Variants in PARL observed in about 807,000 individuals in gnomAD.
PARL encodes presenilin associated rhomboid like.
Under a neutral mutation model 51.6 loss-of-function variants are expected in PARL, and 44 were observed. The ratio of observed to expected loss-of-function variants is 0.85; its 90% CI spans 0.67 to 1.10. The LOEUF (loss-of-function observed/expected upper bound fraction) is 1.10. Among genes scored for constraint, PARL ranks in the 50% least tolerant of loss-of-function variants. The probability of loss-of-function intolerance (pLI) is 0.00; values close to 1 mark genes in which losing one functional copy is unlikely to be tolerated. For missense variants in PARL, 441 were observed against 469.5 expected, an observed-to-expected ratio of 0.94 and a Z score of 0.56; for synonymous variants, 172 against 164.0, an observed-to-expected ratio of 1.05 and a Z score of -0.37.
At chr3:183,866,452 A>T (rs1386634442) in intron 3 of PARL, among the ~76,000 whole-genome samples, 173 bp downstream of exon 3, 3 of 152,346 alleles carry the variant, frequency 2.0e-5, no homozygotes, top group Middle Eastern at 3.4e-3. Flanking sequence ...GAACAATTCA[A>T]ATATACCTAG....
At chr3:183,866,532 G>T in intron 3 of PARL, 93 bp downstream of exon 3, 1 of 934,710 alleles carries the variant, frequency 1.1e-6, no homozygotes, top group South Asian at 1.3e-5. Flanking sequence ...TTATGTGAAT[G>T]CATCATGTAC....
At chr3:183,864,766 C>T (rs1435655230) in intron 3 of PARL, among the ~76,000 whole-genome samples, 1 of 149,788 alleles carries the variant, frequency 6.7e-6, no homozygotes, top group African/African-American at 2.5e-5. Context: ...ACAAGTGAGA[C>T]TCTGTCTCAA....
chr3:183,843,450 G>T (rs1729573526), intron 5 of PARL: 1 of 174,758 alleles, frequency 5.7e-6, no homozygotes, highest in South Asian at 1.9e-4. Context: ...GAGAAGCAGA[G>T]GTTGCAGTGA....
At chr3:183,849,203 G>A (rs989517590) in intron 4 of PARL, among the ~76,000 whole-genome samples, 1 of 152,126 alleles carries the variant, frequency 6.6e-6, no homozygotes, top group Non-Finnish European at 1.5e-5. Flanking sequence ...GACATCTATA[G>A]AACACACCAC....
At chr3:183,882,447 T>C (rs929892227) in intron 1 of PARL, among the ~76,000 whole-genome samples, 34 of 148,390 alleles carry the variant, frequency 2.3e-4, no homozygotes, top group Non-Finnish European at 4.0e-4. Flanking sequence ...AGAGAGAGAC[T>C]ATCATCTCAA....
At chr3:183,842,807 CA>C (rs370931513) in intron 5 of PARL, among the ~76,000 whole-genome samples, 976 of 54,020 alleles carry the variant, frequency 0.018, 7 homozygotes, top group African/African-American at 0.064. Flanking sequence ...GACTCTATCT[CA>C]AAAAAAAAAA....
chr3:183,872,246 C>A (rs1450743766), intron 1 of PARL, among the ~76,000 whole-genome samples: 2 of 152,154 alleles, frequency 1.3e-5, no homozygotes, highest in African/African-American at 4.8e-5. Flanking sequence ...AGATGATCCA[C>A]CCGCCTCGGC....
At chr3:183,847,907 G>A (rs1730139831) in intron 4 of PARL, among the ~76,000 whole-genome samples, 1 of 152,160 alleles carries the variant, frequency 6.6e-6, no homozygotes, top group Non-Finnish European at 1.5e-5. Flanking sequence ...CTTAAGTTTT[G>A]TATATCTCCA....
At position 183,884,878 on chromosome 3, in the gene PARL, C is replaced by G. The variant is rs1734974533; in HGVS notation, c.-32G>C. The G allele has an allele frequency of 6.3e-7, 1 of 1,595,716 alleles. No homozygotes were observed. Among genetic ancestry groups the G allele is most frequent in the Non-Finnish European group, 8.5e-7 (1 of 1,179,124 alleles). Reference sequence around the variant, plus strand: ...AACCTCTGCCCCACCATGGCCCGACCTTACCAACCCCAGCTGCGCAACTAC... The same window carrying G: ...AACCTCTGCCCCACCATGGCCCGACGTTACCAACCCCAGCTGCGCAACTAC... On this transcript the variant is annotated 5_prime_UTR_variant, in exon 1 of 10. Transcript: ENST00000317096.
At chr3:183,866,419 T>C (rs1381750014) in intron 3 of PARL, among the ~76,000 whole-genome samples, 7 of 152,238 alleles carry the variant, frequency 4.6e-5, no homozygotes, top group Non-Finnish European at 1.0e-4. Flanking sequence ...TAATCTATAG[T>C]ACATTTCAAA....
intron 7 of PARL, among the ~76,000 whole-genome samples, chr3:183,836,381 C>G (rs181473545): frequency 6.6e-6 from 1 of 151,948 alleles, no homozygotes; most frequent in Non-Finnish European, 1.5e-5. Context: ...TTATTACATA[C>G]ACAGTTCCAT....
intron 4 of PARL, among the ~76,000 whole-genome samples, chr3:183,849,788 G>C (rs1730352006): frequency 6.6e-6 from 1 of 151,988 alleles, no homozygotes; most frequent in Non-Finnish European, 1.5e-5. Context: ...TCTCATACAG[G>C]TCTGAGATTT....
At chr3:183,862,961 C>G (rs1380920659) in intron 3 of PARL, among the ~76,000 whole-genome samples, 160 bp from the exon 4 acceptor site, 7 of 152,100 alleles carry the variant, frequency 4.6e-5, no homozygotes, top group African/African-American at 1.4e-4. Context: ...GGAAAAGGCA[C>G]ATGTTTTATA....
At chr3:183,837,316 C>T (rs1728734754) in intron 7 of PARL, among the ~76,000 whole-genome samples, 2 of 152,154 alleles carry the variant, frequency 1.3e-5, no homozygotes, top group African/African-American at 4.8e-5. Context: ...CATCCCTCAA[C>T]ATGTTCTCTC....
intron 4 of PARL, among the ~76,000 whole-genome samples, chr3:183,857,594 T>C (rs1731315540): frequency 6.6e-6 from 1 of 152,228 alleles, no homozygotes; most frequent in Non-Finnish European, 1.5e-5. Context: ...TAACTAAACA[T>C]GCAATGGTTA....
intron 4 of PARL, among the ~76,000 whole-genome samples, chr3:183,855,447 C>T (rs55666767): frequency 0.26 from 39,729 of 151,930 alleles, 5,419 homozygotes; most frequent in East Asian, 0.53. Flanking sequence ...CAGCCAACTG[C>T]ACATTTTAAA....
chr3:183,835,161 TAAA>T (rs34212336), intron 7 of PARL, among the ~76,000 whole-genome samples: 2 of 143,814 alleles, frequency 1.4e-5, no homozygotes, highest in Non-Finnish European at 1.5e-5. Context: ...ATGAGATGTT[TAAA>T]AAAAAAAAAA....
chr3:183,852,475 G>A (rs747609707), intron 4 of PARL, among the ~76,000 whole-genome samples: 4 of 152,148 alleles, frequency 2.6e-5, no homozygotes, highest in Admixed American at 2.0e-4. Context: ...AGTAGAATGC[G>A]GTTACTAGTG....
chr3:183,876,397 A>G (rs867497939), intron 1 of PARL, among the ~76,000 whole-genome samples: 1 of 152,072 alleles, frequency 6.6e-6, no homozygotes, highest in South Asian at 2.1e-4. Context: ...CTGAGAAAAA[A>G]AGATTCCTTT....
Sources: gnomAD v4.1 joint callset for allele counts (sites outside exome capture counted in the v4.1 genomes callset) on GRCh38, gnomAD v4.1.1 for gene constraint, MANE v1.5 for transcripts, NCBI Gene and HGNC (gene_info 2026-07-23, HGNC 2026-07-21) for gene names.